The following NUP85 variants were observed in gnomAD, a reference collection of about 807,000 sequenced individuals.
NUP85 encodes the protein nuclear pore complex protein Nup85.
Under a neutral mutation model 92.8 loss-of-function variants are expected in NUP85, and 23 were observed. The observed-to-expected ratio is 0.25, with a 90% confidence interval of 0.18 to 0.35. NUP85 has a LOEUF of 0.35. Among genes scored for constraint, NUP85 ranks in the 10% least tolerant of loss-of-function variants. The pLI, the probability that NUP85 is intolerant of heterozygous loss-of-function variation, is 1.00. For synonymous variants in NUP85, 314 were observed against 306.9 expected (o/e 1.02, Z -0.24); for missense variants, 759 against 822.8 (o/e 0.92, Z 0.95).
intron 11 of NUP85, chr17:75,229,021 C>A: frequency 1.4e-5 from 14 of 985,514 alleles, no homozygotes; most frequent in Admixed American, 6.1e-5. Flanking sequence ...CGGGCCAGTT[C>A]CTTGCTGTCT....
chr17:75,225,666 G>C (rs2075765607), intron 9 of NUP85, 32 bp from the exon 10 acceptor site: 5 of 1,612,790 alleles, frequency 3.1e-6, no homozygotes, highest in African/African-American at 1.3e-5. Context: ...CCTGAGAGGA[G>C]GACAGAGTTC....
intron 5 of NUP85, 63 bp from the exon 6 acceptor site, chr17:75,215,691 T>G: frequency 1.4e-6 from 2 of 1,475,416 alleles, no homozygotes; most frequent in South Asian, 2.3e-5. Flanking sequence ...GCTTTATCCC[T>G]TGGCTCTGAG....
At chr17:75,234,009 C>T (rs1490170245) in intron 16 of NUP85, among the ~76,000 whole-genome samples, 6 of 151,228 alleles carry the variant, frequency 4.0e-5, no homozygotes, top group South Asian at 2.1e-4. Flanking sequence ...GCTGGGATTA[C>T]AGGTGTGAGC....
Position 75,231,440 on chromosome 17 carries a change from C to CACCGATCCTCCTCTTCTT in NUP85, c.1178+21_1178+38dup. On this transcript the variant is annotated intron_variant, in intron 12 of 18. Coordinates refer to ENST00000245544, the MANE Select transcript of NUP85 (RefSeq NM_024844.5). The surrounding 1 kb of genome is among the most constrained non-coding windows in gnomAD (Gnocchi z 4.6). ...CAACCTCTAGTAAGTGGCCGGGAGG[C>CACCGATCCTCCTCTTCTT]ACCGATCCTCCTCTTCTTACCACCA... 1 of 1,613,490 alleles carries CACCGATCCTCCTCTTCTT rather than the reference C, an allele frequency of 6.2e-7. No individual in the cohort carries two copies. Among genetic ancestry groups the CACCGATCCTCCTCTTCTT allele is most frequent in the South Asian group, 1.1e-5 (1 of 91,074 alleles).
chr17:75,206,040 C>T (rs1240061630), intron 1 of NUP85, among the ~76,000 whole-genome samples: 3 of 152,090 alleles, frequency 2.0e-5, no homozygotes, highest in South Asian at 2.1e-4. Flanking sequence ...CCTTTCCTTC[C>T]TTTGTGTTCC....
chr17:75,210,023 C>T, intron 3 of NUP85, 38 bp downstream of exon 3: 2 of 1,566,984 alleles, frequency 1.3e-6, no homozygotes, highest in Non-Finnish European at 1.7e-6. Flanking sequence ...GCCCACACTA[C>T]ACTGTGGAAA....
chr17:75,217,183 C>G (rs891051166), intron 6 of NUP85, among the ~76,000 whole-genome samples: 1 of 152,114 alleles, frequency 6.6e-6, no homozygotes, highest in Non-Finnish European at 1.5e-5. Flanking sequence ...GCCCAGCCTC[C>G]CAAGTAGCTG....
chr17:75,221,240 C>G (rs1293865058), intron 7 of NUP85, among the ~76,000 whole-genome samples: 1 of 151,708 alleles, frequency 6.6e-6, no homozygotes, highest in East Asian at 1.9e-4. Context: ...ACTCTGTTGC[C>G]CAGGCCAGAG....
chr17:75,219,845 G>A (rs1366578182), intron 7 of NUP85, among the ~76,000 whole-genome samples: 1 of 152,106 alleles, frequency 6.6e-6, no homozygotes, highest in Non-Finnish European at 1.5e-5. Flanking sequence ...GGTGAGGAGA[G>A]CTAGGCTGAA....
intron 4 of NUP85, among the ~76,000 whole-genome samples, 195 bp from the exon 5 acceptor site, chr17:75,212,881 C>A (rs2075317394): frequency 6.6e-6 from 1 of 151,730 alleles, no homozygotes; most frequent in Non-Finnish European, 1.5e-5. Context: ...AACTTGAGGG[C>A]TTTTGGTTTG....
chr17:75,233,841 G>A (rs1170355054), intron 16 of NUP85, among the ~76,000 whole-genome samples: 6 of 151,846 alleles, frequency 4.0e-5, no homozygotes, highest in Non-Finnish European at 1.5e-5. Flanking sequence ...CTTGTGATCC[G>A]CCTGCCTCGG....
Position 75,231,835 on chromosome 17 carries a change from C to A in NUP85, c.1252C>A (p.Gln418Lys), listed in dbSNP as rs1259940363. 4 of 1,614,004 alleles carry A rather than the reference C, an allele frequency of 2.5e-6. No homozygotes were observed. The East Asian group carries it at 8.9e-5, about 36-fold the overall frequency. ...CTCCTCGAACCTTTGCAGCCTGTGG[C>A]AGCTGGGGGTCGATTACTTTGATTA... ...SGLFAHPSLW[Q>K]LGVDYFDYCP... is the part of the protein sequence containing the mutation. Residue 418 changes from glutamine (Q) to lysine (K), a missense_variant, in exon 14 of 19, where the codon CAG becomes AAG. Physicochemically the swap from Gln to Lys is moderately conservative, Grantham distance 53. Coordinates refer to ENST00000245544, the MANE Select transcript of NUP85 (RefSeq NM_024844.5). This position sits in a 1 kb window ranked among gnomAD's most constrained non-coding sequence, Gnocchi z 4.6.
Position 75,205,769 on chromosome 17 carries a change from A to C in NUP85, c.8A>C (p.Glu3Ala). The change falls in exon 1 of 19, where the codon GAG becomes GCG. Residue 3 changes from glutamate to alanine, a missense_variant. Physicochemically the swap from Glu to Ala is moderately radical, Grantham distance 107. Coordinates refer to ENST00000245544, the MANE Select transcript of NUP85 (RefSeq NM_024844.5). The part of the protein sequence containing the change: ME[E>A]LDGEPTVTLI... ...AGCCTGGGGTTCGGCGCTATGGAGGAGCTCGATGGCGAGCCAACAGTCACT... is the reference window on the plus strand; with the variant it reads ...AGCCTGGGGTTCGGCGCTATGGAGGCGCTCGATGGCGAGCCAACAGTCACT... 1 of 1,614,114 alleles carries C rather than the reference A, an allele frequency of 6.2e-7. No individual in the cohort carries two copies. The highest frequency in any genetic ancestry group is 8.5e-7 in the Non-Finnish European group (1 of 1,180,026).
At chr17:75,222,936 G>A (rs1415640381) in intron 7 of NUP85, among the ~76,000 whole-genome samples, 1 of 151,480 alleles carries the variant, frequency 6.6e-6, no homozygotes, top group African/African-American at 2.4e-5. Flanking sequence ...TCGGGAGGCT[G>A]AGGCAGGAGA....
intron 6 of NUP85, among the ~76,000 whole-genome samples, chr17:75,217,439 C>T (rs570684839): frequency 7.9e-5 from 12 of 151,746 alleles, no homozygotes; most frequent in Admixed American, 1.3e-4. Context: ...TGGGCTCAAG[C>T]GATCTGCCTG....
At chr17:75,208,649 A>G in intron 2 of NUP85, 29 bp downstream of exon 2, 1 of 1,244,420 alleles carries the variant, frequency 8.0e-7, no homozygotes, top group Non-Finnish European at 1.2e-6. Context: ...CAAATTATCC[A>G]TCTTGGCACA....
rs772201372 is a variant in NUP85, at chr17:75,209,833, G to A, written c.138G>A (p.Glu46=). 1 of 1,576,650 alleles carries A rather than the reference G, an allele frequency of 6.3e-7. No homozygotes were observed. The highest frequency in any genetic ancestry group is 8.6e-7 in the Non-Finnish European group (1 of 1,169,464). Residue 46 remains glutamate (E), a synonymous_variant, in exon 3 of 19, where the codon GAG becomes GAA. Transcript: ENST00000245544. ...TCTGTTTGGTTTCAGAAAAATCAGA[G>A]ATGGTGCCAAGTTGCCCCTTTATCT... ...ETSFNKKEKS[E]MVPSCPFIYI... is the part of the protein sequence containing the mutation.
chr17:75,218,337 A>G, intron 7 of NUP85, 31 bp downstream of exon 7: 1 of 1,609,342 alleles, frequency 6.2e-7, no homozygotes, highest in Non-Finnish European at 8.5e-7. Flanking sequence ...ACCTCCCACC[A>G]TGTGTCCTAC....
chr17:75,213,035 A>G lies in NUP85; in HGVS notation c.362-41A>G, dbSNP rs1343723481. On this transcript the variant is annotated intron_variant, in intron 4 of 18. Transcript: ENST00000245544. ...ATATTCAGCTATGACAATAAGCCTA[A>G]GAGTTCCATTGCTCACTTAAAATGT... The G allele has an allele frequency of 5.0e-6, 8 of 1,593,066 alleles. No individual in the cohort carries two copies. In the African/African-American group the frequency reaches 9.4e-5, roughly 19 times the overall value.
Sources: gnomAD v4.1 joint callset for allele counts (sites outside exome capture counted in the v4.1 genomes callset) on GRCh38, gnomAD v4.1.1 for gene constraint, Gnocchi (gnomAD v3.1) non-coding constraint, MANE v1.5 for transcripts, NCBI Gene and HGNC (gene_info 2026-07-23, HGNC 2026-07-21) for gene names.